Variants in ZC3H12B observed in about 807,000 individuals in gnomAD.
ZC3H12B encodes probable ribonuclease ZC3H12B.
Under a neutral mutation model 43.9 loss-of-function variants are expected in ZC3H12B, and 7 were observed. The ratio of observed to expected loss-of-function variants is 0.16; its 90% CI spans 0.09 to 0.30. The LOEUF (loss-of-function observed/expected upper bound fraction) is 0.30, where lower values mean the gene tolerates loss of function less well. Ranked by LOEUF, ZC3H12B falls within the 10% of genes least tolerant of loss-of-function variation. The probability of loss-of-function intolerance (pLI) is 1.00; values close to 1 mark genes in which losing one functional copy is unlikely to be tolerated. For missense variants in ZC3H12B, 475 were observed against 670.2 expected (o/e 0.71, Z 3.22); for synonymous variants, 222 against 241.7 (o/e 0.92, Z 0.76).
the ZC3H12B span, among the ~76,000 whole-genome samples, chrX:65,231,264 A>G: frequency 2.7e-5 from 3 of 111,161 alleles, no homozygotes; most frequent in Non-Finnish European, 3.8e-5. Flanking sequence ...GCAATAAAAG[A>G]TCACAAGGCA....
rs762490664 is a variant in ZC3H12B at position 65,465,120 on chromosome X, G to T, written n.408-23526G>T. ...CTGTAGATTTCTGTTGTGGTTAGTT[G>T]GTTTGTAGAAATGTTGAAATCACCT... On this transcript the variant is annotated intron_variant and non_coding_transcript_variant, in intron 3 of 5. Transcript: ENST00000617377. 6.3e-5 allele frequency among the ~76,000 whole-genome samples: 7 copies of T among 110,833 alleles called. No individual in the cohort carries two copies. In the Admixed American group the frequency reaches 6.8e-4, roughly 11 times the overall value.
chrX:65,163,741 G>A, the ZC3H12B span, among the ~76,000 whole-genome samples: 15 of 111,445 alleles, frequency 1.3e-4, no homozygotes, highest in South Asian at 3.7e-4. Context: ...GCAATGCCTC[G>A]CCCTGCTTCA....
the ZC3H12B span, among the ~76,000 whole-genome samples, chrX:65,222,365 G>C: frequency 2.7e-5 from 3 of 110,580 alleles, no homozygotes; most frequent in South Asian, 3.8e-4. Context: ...TCAGAAAAGA[G>C]AAAGAAATCA....
In ZC3H12B at chrX:65,460,049, T is replaced by C. The variant is rs181644560; in HGVS notation, n.408-28597T>C. On this transcript the variant is annotated intron_variant and non_coding_transcript_variant, in intron 3 of 5. Coordinates refer to the ZC3H12B transcript ENST00000617377. ...ATCAATGTATGAAAATCACAAGCAT[T>C]TTTATACACTAATAACAGACAAACA... Among the ~76,000 whole-genome samples, 8 of 111,812 alleles carry C rather than the reference T, an allele frequency of 7.2e-5. No individual in the cohort carries two copies. The East Asian group carries it at 2.0e-3, about 27-fold the overall frequency.
chrX:65,192,670 A>T, the ZC3H12B span, among the ~76,000 whole-genome samples: 2 of 111,521 alleles, frequency 1.8e-5, no homozygotes, highest in African/African-American at 6.5e-5. Context: ...CATATGTTGA[A>T]CTATTCCTCC....
chrX:65,211,392 GTAA>G, the ZC3H12B span, among the ~76,000 whole-genome samples: 6 of 108,280 alleles, frequency 5.5e-5, no homozygotes, highest in South Asian at 3.8e-4. Flanking sequence ...GAGTTCCTTG[GTAA>G]TAATAATAAT....
chrX:65,365,940 A>G (rs1302553935), upstream of ZC3H12B, among the ~76,000 whole-genome samples: 1 of 109,940 alleles, frequency 9.1e-6, no homozygotes, highest in Non-Finnish European at 1.9e-5. Flanking sequence ...ACCCTCCTGC[A>G]CCCAGGGGAA....
the ZC3H12B span, among the ~76,000 whole-genome samples, chrX:65,253,657 G>T: frequency 8.9e-6 from 1 of 112,004 alleles, no homozygotes; most frequent in Non-Finnish European, 1.9e-5. Context: ...CTCTTATGGG[G>T]CCCCAGCTTG....
the ZC3H12B span, among the ~76,000 whole-genome samples, chrX:65,116,717 C>T: frequency 1.3e-4 from 14 of 109,749 alleles, no homozygotes; most frequent in African/African-American, 4.6e-4. Context: ...CTTCCCCCCT[C>T]CCCCCAAACC....
At chrX:65,425,569 C>T (rs2067070676) in intron 3 of ZC3H12B, among the ~76,000 whole-genome samples, 1 of 111,129 alleles carries the variant, frequency 9.0e-6, no homozygotes, top group Non-Finnish European at 1.9e-5. Flanking sequence ...CCAGCTTTTG[C>T]CCATTCCGTA....
chrX:65,256,485 A>T, the ZC3H12B span, among the ~76,000 whole-genome samples: 1 of 112,248 alleles, frequency 8.9e-6, no homozygotes. Flanking sequence ...AATTCTTTGA[A>T]ACTAATTGGA....
At chrX:65,269,270 G>A in the ZC3H12B span, among the ~76,000 whole-genome samples, 3 of 109,365 alleles carry the variant, frequency 2.7e-5, no homozygotes, top group Non-Finnish European at 3.8e-5. Context: ...TCTTGAAACC[G>A]GGAGGTGGAG....
Position 65,502,365 on chromosome X carries a change from A to G in ZC3H12B, c.1667A>G (p.Asn556Ser), listed in dbSNP as rs772624027. 4 of 1,211,601 alleles carry G rather than the reference A, an allele frequency of 3.3e-6. No homozygotes were observed. The highest frequency in any genetic ancestry group is 5.9e-5 in the East Asian group (2 of 33,821). The change falls in exon 5 of 5, where the codon AAC becomes AGC. Residue 556 changes from asparagine (N) to serine (S), a missense_variant. Physicochemically the swap from Asn to Ser is conservative, Grantham distance 46. Around this residue, in one of 3 missense-constraint regions of ZC3H12B, gnomAD observed 289 missense variants for 359.9 expected, o/e 0.80. Transcript: ENST00000338957. ...ATGTTAGGTGACTTCTCCAAACTGA[A>G]CATCAACAGCATGCATAACCGAGAG...
At chrX:65,073,410 GTA>G in the ZC3H12B span, among the ~76,000 whole-genome samples, 2 of 112,170 alleles carry the variant, frequency 1.8e-5, no homozygotes, top group Non-Finnish European at 3.8e-5. Flanking sequence ...GAGCTACAAT[GTA>G]GGCCCCCAGG....
the ZC3H12B span, among the ~76,000 whole-genome samples, chrX:65,086,190 C>A: frequency 4.5e-5 from 5 of 110,686 alleles, no homozygotes; most frequent in Admixed American, 9.6e-5. Flanking sequence ...AGATTACACA[C>A]ACAGTATTTA....
the ZC3H12B span, among the ~76,000 whole-genome samples, chrX:65,146,669 T>A: frequency 2.7e-5 from 3 of 111,696 alleles, no homozygotes; most frequent in Non-Finnish European, 5.6e-5. Flanking sequence ...TATGAAGTAC[T>A]CTCCCCCTTT....
the ZC3H12B span, among the ~76,000 whole-genome samples, chrX:65,308,433 G>T: frequency 9.0e-6 from 1 of 111,336 alleles, no homozygotes; most frequent in African/African-American, 3.3e-5. Flanking sequence ...AACAAGAAGA[G>T]CTAACTATCC....
the ZC3H12B span, among the ~76,000 whole-genome samples, chrX:65,301,294 A>T: frequency 8.9e-6 from 1 of 111,772 alleles, no homozygotes; most frequent in African/African-American, 3.2e-5. Flanking sequence ...TAAGGAACAA[A>T]CAGTAGATCT....
intron 3 of ZC3H12B, among the ~76,000 whole-genome samples, chrX:65,472,976 GTATATATATA>G (rs1233764716): frequency 8.2e-5 from 6 of 73,485 alleles, no homozygotes; most frequent in Non-Finnish European, 1.4e-4. Context: ...GTATGTGTGT[GTATATATATA>G]TATATATATA....
Sources: gnomAD v4.1 joint callset for allele counts (sites outside exome capture counted in the v4.1 genomes callset) on GRCh38, gnomAD v4.1.1 for gene constraint, gnomAD v4.1.1 regional missense constraint, MANE v1.5 for transcripts, NCBI Gene and HGNC (gene_info 2026-07-23, HGNC 2026-07-21) for gene names.